MYOM1: variants seen among roughly 807,000 people sequenced by gnomAD.
MYOM1 encodes myomesin 1, also known as myomesin-1.
Under a neutral mutation model 205.3 loss-of-function variants are expected in MYOM1, and 164 were observed. The observed-to-expected ratio is 0.80, with a 90% CI of 0.70 to 0.91. The LOEUF (loss-of-function observed/expected upper bound fraction) is 0.91. Ranked by LOEUF, MYOM1 falls within the 40% of genes least tolerant of loss-of-function variation. The pLI, the probability that MYOM1 is intolerant of heterozygous loss-of-function variation, is 0.00. For synonymous variants in MYOM1, 772 were observed against 789.4 expected (o/e 0.98, Z 0.37); for missense variants, 2,011 against 2,127.3 (o/e 0.95, Z 1.08).
At chr18:3,100,775 T>C (rs2143755327) in intron 23 of MYOM1, among the ~76,000 whole-genome samples, 1 of 152,358 alleles carries the variant, frequency 6.6e-6, no homozygotes, top group Non-Finnish European at 1.5e-5. Flanking sequence ...CAGAACCTGC[T>C]GTTGGTAACT....
chr18:3,088,338 C>T (rs1445856209), intron 29 of MYOM1, among the ~76,000 whole-genome samples: 1 of 152,192 alleles, frequency 6.6e-6, no homozygotes, highest in Non-Finnish European at 1.5e-5. Flanking sequence ...GCTTCAGCTG[C>T]TGCCAGAGAA....
the MYOM1 span, among the ~76,000 whole-genome samples, chr18:3,241,687 C>T: frequency 5.9e-5 from 9 of 152,196 alleles, no homozygotes; most frequent in Non-Finnish European, 1.5e-5. Flanking sequence ...CACTGTCCTC[C>T]AGACCACAGA....
intron 10 of MYOM1, among the ~76,000 whole-genome samples, chr18:3,155,702 G>C (rs10468733): frequency 0.025 from 3,828 of 152,278 alleles, 114 homozygotes; most frequent in African/African-American, 0.076. Context: ...ATTGCATTCA[G>C]ACAAGTCAGT....
chr18:3,102,410 A>C, intron 23 of MYOM1, 64 bp downstream of exon 23: 3 of 1,443,880 alleles, frequency 2.1e-6, no homozygotes, highest in South Asian at 1.5e-5. Flanking sequence ...AGTGGAAATC[A>C]GAGCTCACCT....
chr18:3,242,512 C>G, the MYOM1 span, among the ~76,000 whole-genome samples: 1 of 152,056 alleles, frequency 6.6e-6, no homozygotes, highest in African/African-American at 2.4e-5. Flanking sequence ...TCAGGTATGT[C>G]TTTTTTTCTT....
At chr18:3,156,245 C>CTG (rs2080300356) in intron 10 of MYOM1, among the ~76,000 whole-genome samples, 1 of 152,188 alleles carries the variant, frequency 6.6e-6, no homozygotes, top group Admixed American at 6.5e-5. Context: ...GTAGAAGAGG[C>CTG]TGAGACATGC....
intron 16 of MYOM1, among the ~76,000 whole-genome samples, chr18:3,133,974 C>T (rs1032007527): frequency 1.3e-5 from 2 of 152,158 alleles, no homozygotes; most frequent in African/African-American, 4.8e-5. Flanking sequence ...GGAATTCTCC[C>T]ACTTCAACCT....
At chr18:3,148,970 A>G (rs2080177827) in intron 13 of MYOM1, among the ~76,000 whole-genome samples, 175 bp downstream of exon 13, 1 of 152,114 alleles carries the variant, frequency 6.6e-6, no homozygotes, top group African/African-American at 2.4e-5. Context: ...TTACACCTCA[A>G]GAAAGCTTTA....
rs201952488 is a variant in MYOM1 at position 3,067,472 on chromosome 18, G to A, written c.4848C>T (p.Asp1616=). The A allele has an allele frequency of 5.5e-5, 88 of 1,613,830 alleles. No individual in the cohort carries two copies. The highest frequency in any genetic ancestry group is 1.3e-4 in the East Asian group (6 of 44,880). The change falls in exon 38 of 38, where the codon GAC becomes GAT. Residue 1616 remains aspartate, a synonymous_variant. Transcript: ENST00000356443. ...WLKNEKALAS[D]DHCNLKFEAG... ...CCTCGAACTTGAGGTTGCAGTGGTC[G>A]TCTGAGGCCAGGGCCTTCTCGTTCT...
rs757507539 is a variant in MYOM1, at chr18:3,134,638, C to T, written c.2384+12G>A. On this transcript the variant is annotated intron_variant, in intron 16 of 37. Coordinates refer to ENST00000356443, the MANE Select transcript of MYOM1 (RefSeq NM_003803.4). ...GAGGCCATTGCCCGCCCTGCACACC[C>T]GACTGAGTTACCGTGAGCCCTTCAC... 33 of 1,603,152 alleles carry T rather than the reference C, an allele frequency of 2.1e-5. No homozygotes were observed. The highest frequency in any genetic ancestry group is 2.6e-5 in the Non-Finnish European group (31 of 1,172,212).
At chr18:3,202,497 C>A (rs1442014436) in intron 2 of MYOM1, among the ~76,000 whole-genome samples, 1 of 152,056 alleles carries the variant, frequency 6.6e-6, no homozygotes, top group Non-Finnish European at 1.5e-5. Flanking sequence ...AAAATATATA[C>A]CATGCAAATG....
chr18:3,161,421 G>GAC (rs1454722582), intron 10 of MYOM1, among the ~76,000 whole-genome samples: 1 of 152,202 alleles, frequency 6.6e-6, no homozygotes, highest in Non-Finnish European at 1.5e-5. Context: ...GCTAACAAGA[G>GAC]ACAGTACCTG....
intron 1 of MYOM1, among the ~76,000 whole-genome samples, chr18:3,217,576 T>G: frequency 6.6e-6 from 1 of 152,086 alleles, no homozygotes; most frequent in East Asian, 1.9e-4. Context: ...GATGCAGATA[T>G]ACATTTGGGA....
In MYOM1 at chr18:3,072,370, T is replaced by TTTTG. The variant is rs768555182; in HGVS notation, c.4709-482_4709-481insCAAA. Among the ~76,000 whole-genome samples the TTTTG allele has an allele frequency of 6.9e-5, 8 of 116,006 alleles. No homozygotes were observed. In the East Asian group the frequency reaches 1.0e-3, roughly 15 times the overall value. 76.1% of individuals were successfully genotyped at this position (116,006 alleles called of 152,430 possible). On this transcript the variant is annotated intron_variant, in intron 36 of 37. Coordinates refer to ENST00000356443, the MANE Select transcript of MYOM1 (RefSeq NM_003803.4). Reference sequence around the variant, plus strand: ...CCCGGCTTTTTTTTTTTTTTTTTTTTTGAGGCAGAGTCTCGCTCTGTCACC... The same window carrying TTTTG: ...CCCGGCTTTTTTTTTTTTTTTTTTTTTTTGTGAGGCAGAGTCTCGCTCTGTCACC...
chr18:3,090,747 T>C lies in MYOM1; in HGVS notation c.3920A>G (p.Lys1307Arg). 6.2e-7 allele frequency: 1 copy of C among 1,613,994 alleles called. No individual in the cohort carries two copies. The highest frequency in any genetic ancestry group is 1.1e-5 in the South Asian group (1 of 91,070). Residue 1307 changes from lysine to arginine, a missense_variant, in exon 27 of 38, where the codon AAG (lysine) becomes AGG (arginine). Physicochemically the swap from Lys to Arg is conservative, Grantham distance 26. Coordinates refer to ENST00000356443, the MANE Select transcript of MYOM1 (RefSeq NM_003803.4). ...CGTTCCCTCATCCTCATCCTGTAGC[T>C]TTTCCATGAACATTTCGATGATGCC... is the stretch of plus-strand genomic sequence containing the variant. ...NTGIIEMFME[K>R]LQDEDEGTYT...
the MYOM1 span, among the ~76,000 whole-genome samples, chr18:3,232,233 G>A: frequency 6.6e-6 from 1 of 151,970 alleles, no homozygotes; most frequent in African/African-American, 2.4e-5. Flanking sequence ...GAGAGGCTGA[G>A]GCACAAGAAT....
intron 37 of MYOM1, among the ~76,000 whole-genome samples, chr18:3,069,902 A>G (rs2078940655): frequency 1.3e-5 from 2 of 152,226 alleles, no homozygotes; most frequent in African/African-American, 4.8e-5. Context: ...TGGAAAAGAC[A>G]GTTGAGGAAC....
rs1435418077 is a variant in MYOM1, at chr18:3,174,156, C to T, written c.1075G>A (p.Gly359Arg). The change falls in exon 7 of 38, where the codon GGA becomes AGA. Residue 359 changes from glycine (G) to arginine (R), a missense_variant. Gly to Arg is a moderately radical substitution (Grantham distance 125, BLOSUM62 -2). Coordinates refer to ENST00000356443, the MANE Select transcript of MYOM1 (RefSeq NM_003803.4). ...QYRASAMNVK[G>R]ELSAYASVVV... ...ACTGAAGCATATGCCGAAAGCTCTCCTTTAACATTCATCGCCGAGGCCCGG... is the reference window on the plus strand; with the variant it reads ...ACTGAAGCATATGCCGAAAGCTCTCTTTTAACATTCATCGCCGAGGCCCGG... 18 of 1,613,920 alleles carry T rather than the reference C, an allele frequency of 1.1e-5. No homozygotes were observed. The Admixed American group carries it at 3.0e-4, about 27-fold the overall frequency.
At chr18:3,184,130 T>A (rs1485661661) in intron 5 of MYOM1, among the ~76,000 whole-genome samples, 1 of 152,136 alleles carries the variant, frequency 6.6e-6, no homozygotes, top group African/African-American at 2.4e-5. Flanking sequence ...GGTCTCAAAC[T>A]CCTGGCCTCA....
Sources: allele counts gnomAD v4.1 joint callset (sites outside exome capture counted in the v4.1 genomes callset), GRCh38; gene constraint gnomAD v4.1.1; transcripts MANE v1.5; gene names NCBI Gene and HGNC (gene_info 2026-07-23, HGNC 2026-07-21).